DNAH10: variants seen among roughly 807,000 people sequenced by gnomAD.
DNAH10 encodes the protein dynein axonemal heavy chain 10, also known as axonemal beta dynein heavy chain 10.
DNAH10 carries 348 observed loss-of-function variants against 506.6 expected under a neutral mutation model. The ratio of observed to expected loss-of-function variants is 0.69; its 90% CI spans 0.63 to 0.75. The LOEUF (loss-of-function observed/expected upper bound fraction) is 0.75. Among genes scored for constraint, DNAH10 ranks in the 30% least tolerant of loss-of-function variants. The pLI is 0.00. For missense variants in DNAH10, 5,179 were observed against 5,787.1 expected, an observed-to-expected ratio of 0.89 and a Z score of 3.41; for synonymous variants, 2,059 against 2,198.6, an observed-to-expected ratio of 0.94 and a Z score of 1.78.
At position 123,919,207 on chromosome 12, in the gene DNAH10, C is replaced by G. The variant is rs1266534055; in HGVS notation, c.11506+258C>G. ...CCTCCTACCTCAGCCTCCAGAGTAG[C>G]TGGGACTAAAGGCACGCCACCACAC... On this transcript the variant is annotated intron_variant, in intron 65 of 78. Coordinates refer to ENST00000673944, the MANE Select transcript of DNAH10 (RefSeq NM_001372106.1). This position sits in a 1 kb window ranked among gnomAD's most constrained non-coding sequence, Gnocchi z 4.9. 6.6e-6 allele frequency among the ~76,000 whole-genome samples: 1 copy of G among 152,176 alleles called. No individual in the cohort carries two copies. The highest frequency in any genetic ancestry group is 1.9e-4 in the East Asian group (1 of 5,180).
chr12:123,923,706 T>C, intron 65 of DNAH10, 57 bp from the exon 66 acceptor site: 1 of 1,282,274 alleles, frequency 7.8e-7, no homozygotes, highest in Non-Finnish European at 1.1e-6. Context: ...CATAAGAAAC[T>C]CAGTTTTTTA....
At chr12:123,791,018 C>T (rs1376941642) in intron 11 of DNAH10, among the ~76,000 whole-genome samples, 2 of 152,102 alleles carry the variant, frequency 1.3e-5, no homozygotes, top group Non-Finnish European at 2.9e-5. Flanking sequence ...GTCCCAGCTA[C>T]TCAGGAGCTG....
chr12:123,787,217 T>C lies in DNAH10; in HGVS notation c.1422-587T>C, dbSNP rs1957888677. Reference sequence around the variant, plus strand: ...ATAGATATCTATATTTATCCATATCTATACATAGGTATCTATGTCTATATC... The same window carrying C: ...ATAGATATCTATATTTATCCATATCCATACATAGGTATCTATGTCTATATC... On this transcript the variant is annotated intron_variant, in intron 9 of 78. Transcript: ENST00000673944. This position sits in a 1 kb window ranked among gnomAD's most constrained non-coding sequence, Gnocchi z 4.6. 1.3e-5 allele frequency among the ~76,000 whole-genome samples: 2 copies of C among 152,216 alleles called. No homozygotes were observed. The highest frequency in any genetic ancestry group is 4.1e-4 in the South Asian group (2 of 4,830).
chr12:123,921,690 A>ATTTTTTTTTTTTTTTTTTTTTTTTTTTTT (rs1566107321), intron 65 of DNAH10, among the ~76,000 whole-genome samples: 1 of 98,234 alleles, frequency 1.0e-5, no homozygotes, highest in African/African-American at 4.0e-5. Context: ...TGTAGCTTGC[A>ATTTTTTTTTTTTTTTTTTTTTTTTTTTTT]GTTTTTTTTT....
chr12:123,833,054 G>A lies in DNAH10; in HGVS notation c.4546-60G>A, dbSNP rs947110344. On this transcript the variant is annotated intron_variant, in intron 26 of 78. Coordinates refer to ENST00000673944, the MANE Select transcript of DNAH10 (RefSeq NM_001372106.1). ...AGCAAGCTAAGGAAGGTGTTTTTGG[G>A]TTGGGGCTCGGTCCTTTCAGTTCGT... 4.4e-6 allele frequency: 6 copies of A among 1,370,978 alleles called. No individual in the cohort carries two copies. In the African/African-American group the frequency reaches 8.7e-5, roughly 20 times the overall value. The allele number at this position is 1,370,978 out of a possible 1,614,324, so 84.9% of individuals were successfully genotyped here. A position where few individuals can be genotyped will look rare whatever the true frequency, so the allele number is the denominator to read the frequency against.
intron 44 of DNAH10, 41 bp downstream of exon 44, chr12:123,870,526 T>C (rs1267402657): frequency 1.3e-6 from 2 of 1,599,044 alleles, no homozygotes; most frequent in Non-Finnish European, 1.7e-6. Context: ...TTTAGGAGTG[T>C]GTGATACTCG....
At chr12:123,886,660 C>T (rs1952747167) in intron 51 of DNAH10, among the ~76,000 whole-genome samples, 1 of 152,096 alleles carries the variant, frequency 6.6e-6, no homozygotes, top group South Asian at 2.1e-4. Context: ...AGAGATCTCT[C>T]AGTTCCTGGA....
intron 19 of DNAH10, among the ~76,000 whole-genome samples, chr12:123,809,193 A>C (rs1958831598): frequency 6.6e-6 from 1 of 152,160 alleles, no homozygotes; most frequent in African/African-American, 2.4e-5. Context: ...TGCCCGGCTC[A>C]CATCAGTAAG....
intron 27 of DNAH10, among the ~76,000 whole-genome samples, chr12:123,833,936 C>A (rs1960849651): frequency 6.6e-6 from 1 of 152,158 alleles, no homozygotes; most frequent in Non-Finnish European, 1.5e-5. Context: ...CAATACTTAT[C>A]CAGACCTCTG....
intron 16 of DNAH10, among the ~76,000 whole-genome samples, chr12:123,801,758 G>A (rs571926834): frequency 5.9e-5 from 9 of 152,232 alleles, no homozygotes; most frequent in Non-Finnish European, 1.0e-4. Flanking sequence ...ACGACAGAGG[G>A]AGCCTTCGTA....
At chr12:123,779,000 T>C (rs148051740) in intron 5 of DNAH10, among the ~76,000 whole-genome samples, 2,135 of 151,698 alleles carry the variant, frequency 0.014, 49 homozygotes, top group African/African-American at 0.048. Flanking sequence ...CCCGGGTTCA[T>C]GCCATTCTCC....
Position 123,788,012 on chromosome 12 carries a change from G to A in DNAH10, c.1620+10G>A, listed in dbSNP as rs376640267. The A allele has an allele frequency of 1.3e-5, 21 of 1,557,882 alleles. No homozygotes were observed. The highest frequency in any genetic ancestry group is 1.7e-5 in the Non-Finnish European group (20 of 1,150,318). ...CTCCGACGTTCTGCAGGTAGGGGCT[G>A]GGCGAAGGCCGGCGGAATTTGCCCC... On this transcript the variant is annotated intron_variant, in intron 10 of 78. Transcript: ENST00000673944.
At chr12:123,786,360 T>G (rs775570174) in intron 9 of DNAH10, among the ~76,000 whole-genome samples, 4 of 150,372 alleles carry the variant, frequency 2.7e-5, no homozygotes, top group Non-Finnish European at 5.9e-5. Flanking sequence ...TTTTAGTATA[T>G]TCACAGAATT....
chr12:123,910,557 C>T lies in DNAH10; in HGVS notation c.10019C>T (p.Thr3340Ile). 1.2e-6 allele frequency: 2 copies of T among 1,613,664 alleles called. No homozygotes were observed. Among genetic ancestry groups the T allele is most frequent in the Non-Finnish European group, 1.7e-6 (2 of 1,179,816 alleles). Residue 3340 changes from threonine (T) to isoleucine (I), a missense_variant, in exon 59 of 79, where the codon ACC becomes ATC. Thr to Ile is a moderately conservative substitution (Grantham distance 89). Around this residue, in one of 3 missense-constraint regions of DNAH10, gnomAD observed 4,844 missense variants for 5,430.5 expected, o/e 0.89. Transcript: ENST00000673944. ...NIKGLLKTLNTTTEEMEAVSK... is the reference protein window; with the variant it reads ...NIKGLLKTLNITTEEMEAVSK... ...TTAGGCCTCTTGAAGACTCTTAATA[C>T]CACAACTGAAGAAATGGAAGCTGTC... is the stretch of plus-strand genomic sequence containing the variant.
chr12:123,875,416 T>C lies in DNAH10; in HGVS notation c.8124T>C (p.Ser2708=). Residue 2708 remains serine, a synonymous_variant, in exon 47 of 79, where the codon AGT becomes AGC. Coordinates refer to ENST00000673944, the MANE Select transcript of DNAH10 (RefSeq NM_001372106.1). The part of the protein sequence containing the change: ...EVDPRFISLF[S]VFNVPFPSEE... Reference sequence around the variant, plus strand: ...ACCCAAGATTTATTTCGCTATTCAGTGTCTTCAATGTGCCATTTCCTTCAG... The same window carrying C: ...ACCCAAGATTTATTTCGCTATTCAGCGTCTTCAATGTGCCATTTCCTTCAG... 6.2e-7 allele frequency: 1 copy of C among 1,614,040 alleles called. No homozygotes were observed.
intron 47 of DNAH10, among the ~76,000 whole-genome samples, chr12:123,875,727 A>G (rs1952228895): frequency 6.6e-6 from 1 of 152,214 alleles, no homozygotes; most frequent in Non-Finnish European, 1.5e-5. Flanking sequence ...ATGGAGGTAA[A>G]AGTGCCTTGG....
chr12:123,918,749 C>T lies in DNAH10; in HGVS notation c.11306C>T (p.Ala3769Val). ...AGGCTGCGGGATGGCTACCGGCCAG[C>T]AGCCAGGAGGGGGGCCATCCTGTTC... The part of the protein sequence containing the change: ...IDRLRDGYRP[A>V]ARRGAILFFV... The change falls in exon 65 of 79, where the codon GCA becomes GTA. Residue 3769 changes from alanine (A) to valine (V), a missense_variant. This residue lies in a region of DNAH10 where 4,844 missense variants were observed against 5,430.5 expected (regional missense o/e 0.89). Transcript: ENST00000673944. 6.2e-7 allele frequency: 1 copy of T among 1,605,962 alleles called. No homozygotes were observed. The highest frequency in any genetic ancestry group is 8.5e-7 in the Non-Finnish European group (1 of 1,173,976).
intron 24 of DNAH10, among the ~76,000 whole-genome samples, chr12:123,825,747 C>T (rs1004702317): frequency 4.6e-4 from 70 of 152,116 alleles, no homozygotes; most frequent in African/African-American, 1.6e-3. Context: ...CTTTCACAGG[C>T]ATGCACACCT....
intron 29 of DNAH10, among the ~76,000 whole-genome samples, chr12:123,839,880 G>A (rs530891083): frequency 1.3e-5 from 2 of 152,148 alleles, no homozygotes; most frequent in African/African-American, 4.8e-5. Context: ...AAATGTATAT[G>A]TATCCATGAA....
Sources: gnomAD v4.1 joint callset for allele counts (sites outside exome capture counted in the v4.1 genomes callset) on GRCh38, gnomAD v4.1.1 for gene constraint, gnomAD v4.1.1 regional missense constraint, Gnocchi (gnomAD v3.1) non-coding constraint, MANE v1.5 for transcripts, NCBI Gene and HGNC (gene_info 2026-07-23, HGNC 2026-07-21) for gene names.